The following MID1 variants were observed in gnomAD, a reference collection of about 807,000 sequenced individuals.
MID1 encodes the protein E3 ubiquitin-protein ligase Midline-1.
MID1 carries 7 observed loss-of-function variants against 40.4 expected under a neutral mutation model. The observed-to-expected ratio is 0.17, with a 90% CI of 0.10 to 0.33. The LOEUF is 0.33. Among genes scored for constraint, MID1 ranks in the 10% least tolerant of loss-of-function variants. The pLI, the probability that MID1 is intolerant of heterozygous loss-of-function variation, is 1.00. For synonymous variants in MID1, 229 were observed against 221.2 expected (o/e 1.04, Z -0.31); for missense variants, 367 against 558.5 (o/e 0.66, Z 3.46).
intron 7 of MID1, among the ~76,000 whole-genome samples, chrX:10,466,693 G>A (rs139017507): frequency 0.019 from 2,072 of 111,786 alleles, 22 homozygotes; most frequent in Non-Finnish European, 0.029. Context: ...CTGCTTATAT[G>A]AAGGAGTGAC....
At chrX:10,506,262 G>A (rs1931825032) in intron 3 of MID1, 1 of 1,011,137 alleles carries the variant, frequency 9.9e-7, no homozygotes. Context: ...AAAGAGACTT[G>A]TGCTATCATT....
intron 1 of MID1, among the ~76,000 whole-genome samples, chrX:10,640,250 T>C (rs1936174319): frequency 2.7e-5 from 3 of 111,589 alleles, no homozygotes; most frequent in African/African-American, 9.8e-5. Context: ...GACCCATCAG[T>C]GTGCTGTATT....
chrX:10,825,126 G>C (rs1293013180), intron 1 of MID1, among the ~76,000 whole-genome samples: 1 of 112,138 alleles, frequency 8.9e-6, no homozygotes, highest in Non-Finnish European at 1.9e-5. Context: ...TAGACATACA[G>C]TTCAGTTCTA....
rs375668839 is a variant in MID1, at chrX:10,523,193, CAAAAAA to C, written c.661-12_661-7del. ...AGGTTACTCTCTAAGTTTTGCTGTT[CAAAAAA>C]AAAAAAAAAAGAGGAAAAATATTAT... On this transcript the variant is annotated splice_region_variant and splice_polypyrimidine_tract_variant and intron_variant, in intron 2 of 9. Transcript: ENST00000317552. The C allele has an allele frequency of 5.1e-6, 4 of 784,883 alleles. No individual in the cohort carries two copies. The highest frequency in any genetic ancestry group is 6.9e-6 in the Non-Finnish European group (4 of 582,063). The allele number at this position is 784,883 out of a possible 1,213,427, so 64.7% of individuals were successfully genotyped here.
chrX:10,822,701 G>A (rs994324318), intron 1 of MID1, among the ~76,000 whole-genome samples: 1 of 111,932 alleles, frequency 8.9e-6, no homozygotes, highest in African/African-American at 3.2e-5. Flanking sequence ...CATACATGCA[G>A]CCAACAAACA....
chrX:10,607,503 A>G (rs1935646802), intron 1 of MID1, among the ~76,000 whole-genome samples: 1 of 112,143 alleles, frequency 8.9e-6, no homozygotes, highest in South Asian at 3.7e-4. Flanking sequence ...ACCCGGGAGA[A>G]TCTAGACTGG....
chrX:10,603,887 C>CA (rs768320785), intron 1 of MID1, among the ~76,000 whole-genome samples: 1 of 111,195 alleles, frequency 9.0e-6, no homozygotes, highest in East Asian at 2.8e-4. Flanking sequence ...GGTTTGAGAC[C>CA]AAAGATCTTT....
At chrX:10,623,507 G>C (rs763164558), upstream of MID1, among the ~76,000 whole-genome samples, 15 of 111,672 alleles carry the variant, frequency 1.3e-4, no homozygotes, top group Non-Finnish European at 2.6e-4. Context: ...AATCTTGTTA[G>C]TTATGTGCGG....
chrX:10,752,152 G>T (rs1177856668), intron 1 of MID1, among the ~76,000 whole-genome samples: 2 of 111,597 alleles, frequency 1.8e-5, no homozygotes, highest in Non-Finnish European at 3.8e-5. Flanking sequence ...CCTAGTCTCA[G>T]GTATTCCTTT....
chrX:10,566,512 C>CTCTCTCTCA (rs1569107605), intron 2 of MID1, among the ~76,000 whole-genome samples: 2 of 40,042 alleles, frequency 5.0e-5, no homozygotes, highest in African/African-American at 1.5e-4. Flanking sequence ...TCTCTCTCTC[C>CTCTCTCTCA]CTCTCTCTCC....
chrX:10,799,141 TC>T (rs1401053843), intron 1 of MID1, among the ~76,000 whole-genome samples: 1 of 111,544 alleles, frequency 9.0e-6, no homozygotes, highest in South Asian at 3.8e-4. Context: ...ACCTTTTTCA[TC>T]CCCCCTCACC....
intron 7 of MID1, among the ~76,000 whole-genome samples, chrX:10,465,981 T>C (rs1017741319): frequency 3.6e-5 from 4 of 112,383 alleles, no homozygotes; most frequent in Admixed American, 9.4e-5. Flanking sequence ...GAGAGAAATA[T>C]AGCATTTCTC....
intron 1 of MID1, among the ~76,000 whole-genome samples, chrX:10,812,042 T>C (rs1290981339): frequency 9.0e-6 from 1 of 111,705 alleles, no homozygotes; most frequent in Admixed American, 9.6e-5. Context: ...CATTAGTCCC[T>C]GAAATTTGAA....
rs781375702 is a variant in MID1, at chrX:10,567,443, G to C, written c.105C>G (p.His35Gln). The C allele has an allele frequency of 1.2e-5, 15 of 1,209,714 alleles. No homozygotes were observed. The East Asian group carries it at 4.4e-4, about 36-fold the overall frequency. ...CAHSLCFNCA[H>Q]RILVSHCATN... The stretch of plus-strand genomic sequence containing the variant: ...TGGCACAGTGTGATACTAGGATGCG[G>C]TGGGCGCAGTTGAAGCAGAGGCTGT... Residue 35 changes from histidine to glutamine, a missense_variant, in exon 2 of 10, where the codon CAC (histidine) becomes CAG (glutamine). His to Gln is a conservative substitution (Grantham distance 24). This residue lies in a region of MID1 where 78 missense variants were observed against 112.6 expected (regional missense o/e 0.69). Transcript: ENST00000317552.
intron 1 of MID1, among the ~76,000 whole-genome samples, chrX:10,757,428 A>C (rs1279334896): frequency 8.9e-6 from 1 of 112,374 alleles, no homozygotes; most frequent in African/African-American, 3.2e-5. Context: ...AAAATTTTCC[A>C]AAGCGGGGTT....
intron 1 of MID1, among the ~76,000 whole-genome samples, chrX:10,823,472 C>T (rs1325958651): frequency 9.0e-6 from 1 of 111,025 alleles, no homozygotes; most frequent in African/African-American, 3.3e-5. Flanking sequence ...TACCCCTGAA[C>T]TTCAAATAAA....
At chrX:10,802,050 T>C (rs1262752754) in intron 1 of MID1, among the ~76,000 whole-genome samples, 1 of 110,433 alleles carries the variant, frequency 9.1e-6, no homozygotes, top group East Asian at 2.9e-4. Flanking sequence ...GGCATGGTGG[T>C]GCACGCCTGT....
chrX:10,593,762 G>GACACAC (rs57390547), intron 1 of MID1, among the ~76,000 whole-genome samples: 6,866 of 83,194 alleles, frequency 0.083, 280 homozygotes, highest in Middle Eastern at 0.13. Flanking sequence ...CTGTCCCTCT[G>GACACAC]ACACACACAC....
chrX:10,454,483 TA>T, intron 9 of MID1, among the ~76,000 whole-genome samples: 1 of 111,820 alleles, frequency 8.9e-6, no homozygotes, highest in Admixed American at 9.4e-5. Flanking sequence ...GGACTATATG[TA>T]AAAAAATGGA....
Sources: gnomAD v4.1 joint callset for allele counts (sites outside exome capture counted in the v4.1 genomes callset) on GRCh38, gnomAD v4.1.1 for gene constraint, gnomAD v4.1.1 regional missense constraint, MANE v1.5 for transcripts, NCBI Gene and HGNC (gene_info 2026-07-23, HGNC 2026-07-21) for gene names.